LINGO2: variants seen among roughly 807,000 people sequenced by gnomAD.
The protein encoded by LINGO2 is leucine rich repeat and Ig domain containing 2.
LINGO2 carries 14 observed loss-of-function variants against 30.6 expected under a neutral mutation model. That is an observed-to-expected ratio of 0.46 (90% CI 0.30 to 0.72). The LOEUF (loss-of-function observed/expected upper bound fraction) is 0.72. Among genes scored for constraint, LINGO2 ranks in the 30% least tolerant of loss-of-function variants. The pLI is 0.07. For synonymous variants in LINGO2, 317 were observed against 288.5 expected (o/e 1.10, Z -1.00); for missense variants, 729 against 751.7 (o/e 0.97, Z 0.35).
At chr9:27,945,073 C>A (rs1389280261), downstream of LINGO2, among the ~76,000 whole-genome samples, 1 of 151,844 alleles carries the variant, frequency 6.6e-6, no homozygotes, top group African/African-American at 2.4e-5. Flanking sequence ...TTTTTCTTTC[C>A]TAGAAACCCT....
intron 4 of LINGO2, among the ~76,000 whole-genome samples, chr9:28,040,299 C>T (rs767535437): frequency 2.6e-5 from 4 of 152,104 alleles, no homozygotes; most frequent in Admixed American, 6.5e-5. Context: ...AGTGTTTGAC[C>T]GGGAAGCCTT....
chr9:28,288,548 T>TTTG (rs907153819), intron 4 of LINGO2, among the ~76,000 whole-genome samples: 28 of 152,116 alleles, frequency 1.8e-4, no homozygotes, highest in African/African-American at 6.5e-4. Context: ...GGCTTGTTAT[T>TTTG]TTGTTGTTGT....
chr9:28,375,089 AACACACAC>A (rs137914726), intron 2 of LINGO2, among the ~76,000 whole-genome samples: 4,197 of 141,732 alleles, frequency 0.03, 68 homozygotes, highest in Non-Finnish European at 0.035. Context: ...CACACCCCTT[AACACACAC>A]ACACACACAC....
chr9:28,135,076 A>G (rs964156074), intron 4 of LINGO2, among the ~76,000 whole-genome samples: 2 of 152,350 alleles, frequency 1.3e-5, no homozygotes, highest in Non-Finnish European at 2.9e-5. Context: ...GTAACAAAAC[A>G]GTAGAAGAAA....
chr9:28,483,157 T>C (rs1826041812), intron 1 of LINGO2, among the ~76,000 whole-genome samples: 1 of 152,248 alleles, frequency 6.6e-6, no homozygotes, highest in Admixed American at 6.6e-5. Context: ...ATAAAACAAC[T>C]TTTGTTAGCA....
chr9:28,191,789 T>A (rs1819831474), intron 4 of LINGO2, among the ~76,000 whole-genome samples: 1 of 152,138 alleles, frequency 6.6e-6, no homozygotes, highest in Admixed American at 6.6e-5. Flanking sequence ...AAACATTATC[T>A]TTTCCCATAT....
intron 3 of LINGO2, among the ~76,000 whole-genome samples, chr9:28,312,871 G>T (rs1824686300): frequency 1.3e-5 from 2 of 152,008 alleles, no homozygotes; most frequent in Admixed American, 6.5e-5. Flanking sequence ...GGGCTCTGTT[G>T]TGTCAGGAAA....
chr9:28,086,988 CT>C (rs1825933964), intron 4 of LINGO2, among the ~76,000 whole-genome samples: 1 of 152,126 alleles, frequency 6.6e-6, no homozygotes, highest in South Asian at 2.1e-4. Flanking sequence ...CAGAGTTAGA[CT>C]TGTGTGACAA....
chr9:29,061,353 G>A, the LINGO2 span, among the ~76,000 whole-genome samples: 1 of 151,828 alleles, frequency 6.6e-6, no homozygotes, highest in Non-Finnish European at 1.5e-5. Flanking sequence ...GGACTCACAT[G>A]AAATCTCAAG....
the LINGO2 span, among the ~76,000 whole-genome samples, chr9:28,741,224 A>T: frequency 1.3e-5 from 2 of 151,922 alleles, no homozygotes; most frequent in Admixed American, 1.3e-4. Context: ...CTGGCCTAGC[A>T]TTGGATAGGA....
the LINGO2 span, among the ~76,000 whole-genome samples, chr9:29,190,315 C>G: frequency 6.6e-6 from 1 of 151,960 alleles, no homozygotes; most frequent in Non-Finnish European, 1.5e-5. Flanking sequence ...ATTTTAATTG[C>G]TAGTAATTAC....
chr9:28,750,707 T>C, the LINGO2 span, among the ~76,000 whole-genome samples: 2 of 152,222 alleles, frequency 1.3e-5, no homozygotes, highest in East Asian at 3.9e-4. Flanking sequence ...AGTTTCTTCA[T>C]CTGTTATGTG....
chr9:29,071,625 T>A, the LINGO2 span, among the ~76,000 whole-genome samples: 1 of 151,226 alleles, frequency 6.6e-6, no homozygotes, highest in East Asian at 1.9e-4. Context: ...AACAGGCTGT[T>A]ACTTATATAA....
At chr9:28,819,305 C>T in the LINGO2 span, among the ~76,000 whole-genome samples, 1 of 152,152 alleles carries the variant, frequency 6.6e-6, no homozygotes, top group Non-Finnish European at 1.5e-5. Flanking sequence ...GCTCAAATCT[C>T]ACTATTTTTG....
At chr9:28,021,971 G>A (rs182203160) in intron 4 of LINGO2, among the ~76,000 whole-genome samples, 6 of 151,866 alleles carry the variant, frequency 4.0e-5, no homozygotes, top group African/African-American at 1.2e-4. Flanking sequence ...AATATTTAAA[G>A]TAATATTGAT....
intron 4 of LINGO2, among the ~76,000 whole-genome samples, chr9:28,160,534 C>CA (rs1244970129): frequency 1.3e-5 from 2 of 152,132 alleles, no homozygotes; most frequent in African/African-American, 2.4e-5. Context: ...CCATAAAAGA[C>CA]AAAATTCAGA....
At chr9:28,624,158 C>A (rs1477345930) in intron 1 of LINGO2, among the ~76,000 whole-genome samples, 1 of 151,994 alleles carries the variant, frequency 6.6e-6, no homozygotes, top group African/African-American at 2.4e-5. Flanking sequence ...ATTTGAATGT[C>A]CTTTATTTCT....
At chr9:28,028,896 T>G (rs148984056) in intron 4 of LINGO2, among the ~76,000 whole-genome samples, 2 of 152,054 alleles carry the variant, frequency 1.3e-5, no homozygotes, top group Non-Finnish European at 2.9e-5. Context: ...ATCATCCAAA[T>G]TTTACCTCTT....
chr9:28,185,503 T>C (rs1429030173), intron 4 of LINGO2, among the ~76,000 whole-genome samples: 6 of 152,180 alleles, frequency 3.9e-5, no homozygotes. Flanking sequence ...ACTCAGTACA[T>C]GTCATAAATG....
Sources: gnomAD v4.1 joint callset for allele counts (sites outside exome capture counted in the v4.1 genomes callset) on GRCh38, gnomAD v4.1.1 for gene constraint, MANE v1.5 for transcripts, NCBI Gene and HGNC (gene_info 2026-07-23, HGNC 2026-07-21) for gene names.